SEPTIN14: variants seen among roughly 807,000 people sequenced by gnomAD.
The protein encoded by SEPTIN14 is septin-14.
Under a neutral mutation model 53.6 loss-of-function variants are expected in SEPTIN14, and 40 were observed. The ratio of observed to expected loss-of-function variants is 0.75; its 90% CI spans 0.58 to 0.97. SEPTIN14 has a LOEUF of 0.97. Ranked by LOEUF, SEPTIN14 falls within the 50% of genes least tolerant of loss-of-function variation. The pLI is 0.00. For synonymous variants in SEPTIN14, 138 were observed against 166.8 expected (o/e 0.83, Z 1.33); for missense variants, 471 against 508.2 (o/e 0.93, Z 0.70).
intron 5 of SEPTIN14, among the ~76,000 whole-genome samples, chr7:55,839,575 T>C (rs932515895): frequency 6.6e-6 from 1 of 152,096 alleles, no homozygotes; most frequent in African/African-American, 2.4e-5. Context: ...TATAAATAAA[T>C]CTTTATGATA....
chr7:55,842,941 C>T lies in SEPTIN14; in HGVS notation c.558+1G>A, dbSNP rs1413276501. ...AAAGATGGTAGATTTACCAAACATA[C>T]CTTACTGTCAAGGTTCTTCATTGTT... On this transcript the variant is annotated splice_donor_variant, in intron 5 of 9. Coordinates refer to ENST00000388975, the MANE Select transcript of SEPTIN14 (RefSeq NM_207366.3). LOFTEE classifies it high-confidence loss of function. 1.3e-6 allele frequency: 2 copies of T among 1,492,752 alleles called. No homozygotes were observed. Among genetic ancestry groups the T allele is most frequent in the South Asian group, 2.7e-5 (2 of 75,460 alleles). 92.5% of individuals were successfully genotyped at this position (1,492,752 alleles called of 1,614,324 possible).
chr7:55,813,467 A>C (rs978775574), intron 7 of SEPTIN14, among the ~76,000 whole-genome samples: 3 of 152,226 alleles, frequency 2.0e-5, no homozygotes, highest in Non-Finnish European at 4.4e-5. Flanking sequence ...CGTGTGACCC[A>C]GCAAGACACC....
chr7:55,804,087 G>T (rs1164375618), intron 9 of SEPTIN14, among the ~76,000 whole-genome samples: 3 of 126,512 alleles, frequency 2.4e-5, no homozygotes, highest in Non-Finnish European at 4.7e-5. Flanking sequence ...GGTGAGCCCA[G>T]ATCGCGCCAC....
rs934099144 is a variant in SEPTIN14, at chr7:55,846,429, T to C, written c.175+88A>G. ...AAACATGAAGATATATTTGAATTAA[T>C]AGCATCAATGTTACACTGCTTAAGA... On this transcript the variant is annotated intron_variant, in intron 3 of 9. Transcript: ENST00000388975. 7 of 853,886 alleles carry C rather than the reference T, an allele frequency of 8.2e-6. No individual in the cohort carries two copies. The Admixed American group carries it at 1.7e-4, about 20-fold the overall frequency. 52.9% of individuals were successfully genotyped at this position (853,886 alleles called of 1,614,324 possible). A position where few individuals can be genotyped will look rare whatever the true frequency, so the allele number is the denominator to read the frequency against.
chr7:55,848,765 G>A (rs572638873), intron 2 of SEPTIN14, among the ~76,000 whole-genome samples: 5 of 151,336 alleles, frequency 3.3e-5, no homozygotes, highest in Non-Finnish European at 5.9e-5. Context: ...CTGCCACTAC[G>A]CCCGGCTAAT....
chr7:55,794,491 T>G lies in SEPTIN14; in HGVS notation c.*1422A>C, dbSNP rs1788393067. 2 of 152,314 alleles carry G rather than the reference T, an allele frequency of 1.3e-5. No homozygotes were observed. The highest frequency in any genetic ancestry group is 4.1e-4 in the South Asian group (2 of 4,826). The allele number at this position is 152,314 out of a possible 1,614,324, so 9.4% of individuals were successfully genotyped here. ...TAATTGCTGCTATGCGTCAGACATT[T>G]TTCTAGGCCTAGGAATGGATACATA... is the stretch of plus-strand genomic sequence containing the variant. On this transcript the variant is annotated 3_prime_UTR_variant, in exon 10 of 10. Transcript: ENST00000388975.
intron 9 of SEPTIN14, among the ~76,000 whole-genome samples, chr7:55,804,029 G>C (rs1357861169): frequency 1.3e-5 from 2 of 150,214 alleles, no homozygotes; most frequent in Non-Finnish European, 3.0e-5. Flanking sequence ...CCAGCTACTC[G>C]GGAGGCTGGG....
intron 5 of SEPTIN14, 134 bp downstream of exon 5, chr7:55,842,808 G>T (rs1440145421): frequency 2.2e-6 from 1 of 462,844 alleles, no homozygotes; most frequent in Non-Finnish European, 3.7e-6. Flanking sequence ...AGCTACTCGG[G>T]AGGCTGAAGC....
chr7:55,855,447 A>G (rs1030286591), intron 2 of SEPTIN14, among the ~76,000 whole-genome samples: 1 of 152,240 alleles, frequency 6.6e-6, no homozygotes, highest in Non-Finnish European at 1.5e-5. Context: ...AGACGCAGAC[A>G]TCAGTGAGAA....
At chr7:55,837,226 C>T (rs968507170) in intron 5 of SEPTIN14, among the ~76,000 whole-genome samples, 3 of 151,900 alleles carry the variant, frequency 2.0e-5, no homozygotes, top group African/African-American at 7.3e-5. Context: ...AGCGATCCTC[C>T]CACCTCAGCC....
chr7:55,829,262 T>G (rs1012807377), intron 6 of SEPTIN14, among the ~76,000 whole-genome samples: 1 of 151,374 alleles, frequency 6.6e-6, no homozygotes, highest in Non-Finnish European at 1.5e-5. Flanking sequence ...GCTTGTAATC[T>G]CAGCTACTCA....
At chr7:55,858,251 G>T (rs1789681258) in intron 2 of SEPTIN14, among the ~76,000 whole-genome samples, 1 of 152,164 alleles carries the variant, frequency 6.6e-6, no homozygotes, top group African/African-American at 2.4e-5. Context: ...GAAAGAGAAG[G>T]TCAAATCCCT....
chr7:55,856,483 C>T (rs1486998123), intron 2 of SEPTIN14, among the ~76,000 whole-genome samples: 4 of 151,806 alleles, frequency 2.6e-5, no homozygotes, highest in Non-Finnish European at 5.9e-5. Flanking sequence ...TCTCCGCCTC[C>T]CAGGTTCAAG....
At chr7:55,823,352 C>T (rs185801503) in intron 6 of SEPTIN14, among the ~76,000 whole-genome samples, 38 of 152,340 alleles carry the variant, frequency 2.5e-4, no homozygotes, top group African/African-American at 7.9e-4. Flanking sequence ...GGCTTAGCCA[C>T]ACAAGGAGAG....
chr7:55,837,212 C>A (rs1010083077), intron 5 of SEPTIN14, among the ~76,000 whole-genome samples: 16 of 151,642 alleles, frequency 1.1e-4, no homozygotes, highest in Admixed American at 1.1e-3. Context: ...ACCTCCCGGG[C>A]TGAAGCGATC....
chr7:55,814,872 G>A (rs531195618), intron 7 of SEPTIN14, among the ~76,000 whole-genome samples: 18 of 152,178 alleles, frequency 1.2e-4, no homozygotes, highest in South Asian at 6.2e-4. Flanking sequence ...TGGAGGAATC[G>A]CATTACCTGA....
intron 2 of SEPTIN14, among the ~76,000 whole-genome samples, chr7:55,855,373 C>T (rs1327202305): frequency 1.3e-5 from 2 of 151,946 alleles, no homozygotes; most frequent in African/African-American, 2.4e-5. Flanking sequence ...GTTCCAGAAT[C>T]GAAGGAGAGA....
At chr7:55,799,221 C>T (rs1788483369) in intron 9 of SEPTIN14, among the ~76,000 whole-genome samples, 1 of 151,308 alleles carries the variant, frequency 6.6e-6, no homozygotes, top group Non-Finnish European at 1.5e-5. Context: ...AATAGAAAAA[C>T]ATGGCTGGGC....
intron 4 of SEPTIN14, among the ~76,000 whole-genome samples, chr7:55,843,709 G>A (rs951009827): frequency 6.6e-6 from 1 of 152,220 alleles, no homozygotes; most frequent in East Asian, 1.9e-4. Flanking sequence ...GCAGGCGCCT[G>A]TAGTCCCAGG....
Sources: allele counts gnomAD v4.1 joint callset (sites outside exome capture counted in the v4.1 genomes callset), GRCh38; gene constraint gnomAD v4.1.1; transcripts MANE v1.5; gene names NCBI Gene and HGNC (gene_info 2026-07-23, HGNC 2026-07-21).